HEXIM2: variants seen among roughly 807,000 people sequenced by gnomAD.
The protein encoded by HEXIM2 is HEXIM P-TEFb complex subunit 2, also known as protein HEXIM2.
For missense variants in HEXIM2, 413 were observed against 390.8 expected (o/e 1.06, Z -0.48); for synonymous variants, 159 against 162.7 (o/e 0.98, Z 0.17).
chr17:45,165,841 C>T (rs1240401183), intron 3 of HEXIM2, among the ~76,000 whole-genome samples: 1 of 152,138 alleles, frequency 6.6e-6, no homozygotes, highest in Non-Finnish European at 1.5e-5. Flanking sequence ...GTTGCCCAGG[C>T]TGGAGTGCAG....
At chr17:45,165,042 G>A (rs1429462739) in intron 3 of HEXIM2, among the ~76,000 whole-genome samples, 1 of 152,174 alleles carries the variant, frequency 6.6e-6, no homozygotes, top group African/African-American at 2.4e-5. Flanking sequence ...GGGCTCGCTT[G>A]GGTGAGGGTG....
rs1245830888 is a variant in HEXIM2, at chr17:45,169,004, C to T, written c.67-11C>T. The stretch of plus-strand genomic sequence containing the variant: ...GTCTGATCCATCCTTCTTCCTCCTC[C>T]CTCTCTTTAGACCTCTGGTGCCCCG... On this transcript the variant is annotated splice_polypyrimidine_tract_variant and intron_variant, in intron 3 of 3. Transcript: ENST00000589230. 6 of 1,587,500 alleles carry T rather than the reference C, an allele frequency of 3.8e-6. No individual in the cohort carries two copies. In the South Asian group the frequency reaches 5.7e-5, roughly 15 times the overall value.
chr17:45,169,432 C>T lies in HEXIM2; in HGVS notation c.484C>T (p.His162Tyr), dbSNP rs1486578158. The T allele has an allele frequency of 1.2e-6, 2 of 1,613,962 alleles. No homozygotes were observed. Among genetic ancestry groups the T allele is most frequent in the Non-Finnish European group, 1.7e-6 (2 of 1,179,998 alleles). ...DPEEPNLDVP[H>Y]GISHPGSSGE... ...GGAGGAGCCCAACTTGGATGTGCCC[C>T]ATGGGATCTCCCACCCAGGTTCCAG... is the stretch of plus-strand genomic sequence containing the variant. Residue 162 changes from histidine to tyrosine, a missense_variant, in exon 4 of 4, where the codon CAT becomes TAT. His to Tyr is a moderately conservative substitution (Grantham distance 83). Transcript: ENST00000589230.
upstream of HEXIM2, chr17:45,160,969 G>C: frequency 7.8e-7 from 1 of 1,289,004 alleles, no homozygotes; most frequent in Non-Finnish European, 1.0e-6. Context: ...TGGGATCTCC[G>C]CTCTCGGAGC....
At chr17:45,160,706 T>C (rs977096243), upstream of HEXIM2, 11 of 381,728 alleles carry the variant, frequency 2.9e-5, no homozygotes, top group African/African-American at 8.4e-5. Context: ...CAGCACACTT[T>C]AGGCGTTTCA....
chr17:45,162,998 G>A (rs1476209692), intron 3 of HEXIM2, 139 bp downstream of exon 3: 1 of 635,624 alleles, frequency 1.6e-6, no homozygotes, highest in Admixed American at 2.7e-5. Context: ...CTAGGCAATA[G>A]GCCGGAATCC....
At chr17:45,165,838 A>G (rs2042828829) in intron 3 of HEXIM2, among the ~76,000 whole-genome samples, 1 of 152,142 alleles carries the variant, frequency 6.6e-6, no homozygotes, top group Non-Finnish European at 1.5e-5. Flanking sequence ...TCTGTTGCCC[A>G]GGCTGGAGTG....
chr17:45,169,121 T>C lies in HEXIM2; in HGVS notation c.173T>C (p.Leu58Pro), dbSNP rs1225701792. Reference sequence around the variant, plus strand: ...GAGAGCCACTCAGAGGATGAAGATCTTGCTGGGGCTGTCGGTGGCCTGGGC... The same window carrying C: ...GAGAGCCACTCAGAGGATGAAGATCCTGCTGGGGCTGTCGGTGGCCTGGGC... ...RMESHSEDED[L>P]AGAVGGLGWN... Residue 58 changes from leucine (L) to proline (P), a missense_variant, in exon 4 of 4, where the codon CTT becomes CCT. Transcript: ENST00000589230. 12 of 1,614,004 alleles carry C rather than the reference T, an allele frequency of 7.4e-6. No individual in the cohort carries two copies. The highest frequency in any genetic ancestry group is 1.0e-5 in the Non-Finnish European group (12 of 1,180,024).
At chr17:45,161,189 G>A, upstream of HEXIM2, 1 of 359,984 alleles carries the variant, frequency 2.8e-6, no homozygotes, top group Non-Finnish European at 5.5e-6. Flanking sequence ...CCTGTGGAAA[G>A]ACCGCAGAGG....
At chr17:45,161,666 C>T (rs2042697682), upstream of HEXIM2, among the ~76,000 whole-genome samples, 2 of 152,206 alleles carry the variant, frequency 1.3e-5, no homozygotes, top group African/African-American at 4.8e-5. Flanking sequence ...CCAGTTGTGC[C>T]TCCTCACAGC....
chr17:45,161,487 C>T (rs2042689417), upstream of HEXIM2: 2 of 161,382 alleles, frequency 1.2e-5, no homozygotes, highest in Admixed American at 5.9e-5. Context: ...CCGCTGCCTC[C>T]TCCCAGCCCA....
chr17:45,165,029 G>A (rs2042801276), intron 3 of HEXIM2, among the ~76,000 whole-genome samples: 1 of 152,186 alleles, frequency 6.6e-6, no homozygotes. Context: ...GGGCTAGGGG[G>A]CTGGGCTCGC....
chr17:45,167,024 CA>C (rs58258565), intron 3 of HEXIM2, among the ~76,000 whole-genome samples: 1,026 of 67,880 alleles, frequency 0.015, 10 homozygotes, highest in African/African-American at 0.052. Flanking sequence ...GACTCTGTCT[CA>C]AAAAAAAAAA....
chr17:45,160,986 C>G (rs1302356376), upstream of HEXIM2: 2 of 1,282,774 alleles, frequency 1.6e-6, no homozygotes, highest in African/African-American at 1.5e-5. Context: ...GAGCCTCCAG[C>G]TGACTGCCAC....
chr17:45,161,136 G>A (rs2042671494), upstream of HEXIM2: 10 of 402,794 alleles, frequency 2.5e-5, no homozygotes, highest in South Asian at 1.8e-4. Context: ...CCGAATGGGG[G>A]TGGGGAGGGA....
Position 45,169,823 on chromosome 17 carries a change from C to T in HEXIM2, c.*14C>T. The T allele has an allele frequency of 7.0e-7, 1 of 1,428,456 alleles. No homozygotes were observed. The highest frequency in any genetic ancestry group is 9.1e-7 in the Non-Finnish European group (1 of 1,094,110). 88.5% of individuals were successfully genotyped at this position (1,428,456 alleles called of 1,614,324 possible). On this transcript the variant is annotated 3_prime_UTR_variant, in exon 4 of 4. Transcript: ENST00000589230. ...CCGGGTACCTAGGGGTGCCTCCCAGCCTGGTGGACCCAAGGAGAAGGTCCC... is the reference window on the plus strand; with the variant it reads ...CCGGGTACCTAGGGGTGCCTCCCAGTCTGGTGGACCCAAGGAGAAGGTCCC...
chr17:45,160,919 G>T (rs1310223412), upstream of HEXIM2: 4 of 1,289,656 alleles, frequency 3.1e-6, no homozygotes, highest in African/African-American at 1.5e-5. Flanking sequence ...CCCGGGCGGC[G>T]AGATGGCGCT....
At position 45,169,834 on chromosome 17, in the gene HEXIM2, CA is replaced by C; in HGVS notation, c.*27del. 7.0e-7 allele frequency: 1 copy of C among 1,423,744 alleles called. No individual in the cohort carries two copies. Among genetic ancestry groups the C allele is most frequent in the East Asian group, 2.5e-5 (1 of 39,392 alleles). 88.2% of individuals were successfully genotyped at this position (1,423,744 alleles called of 1,614,324 possible). A position where few individuals can be genotyped will look rare whatever the true frequency, so the allele number is the denominator to read the frequency against. On this transcript the variant is annotated 3_prime_UTR_variant, in exon 4 of 4. Transcript: ENST00000589230. Reference sequence around the variant, plus strand: ...GGGGTGCCTCCCAGCCTGGTGGACCCAAGGAGAAGGTCCCATTTCGTGCACA... The same window carrying C: ...GGGGTGCCTCCCAGCCTGGTGGACCCAGGAGAAGGTCCCATTTCGTGCACA...
chr17:45,168,495 T>TG (rs1285131891), intron 3 of HEXIM2, among the ~76,000 whole-genome samples: 1 of 135,410 alleles, frequency 7.4e-6, no homozygotes, highest in African/African-American at 2.9e-5. Context: ...TAAAATAAGG[T>TG]TTTTTTTTTT....
Sources: gnomAD v4.1 joint callset for allele counts (sites outside exome capture counted in the v4.1 genomes callset) on GRCh38, gnomAD v4.1.1 for gene constraint, MANE v1.5 for transcripts, NCBI Gene and HGNC (gene_info 2026-07-23, HGNC 2026-07-21) for gene names.